Variants in EPC2 observed in about 807,000 individuals in gnomAD.
The protein encoded by EPC2 is enhancer of polycomb 2, also known as enhancer of polycomb homolog 2.
In EPC2, 14 loss-of-function variants were observed where a neutral mutation model predicts 92.1. The ratio of observed to expected loss-of-function variants is 0.15; its 90% CI spans 0.10 to 0.24. The LOEUF (loss-of-function observed/expected upper bound fraction) is 0.24. EPC2 is among the 10% of genes least tolerant of loss of function. The pLI, the probability that EPC2 is intolerant of heterozygous loss-of-function variation, is 1.00. For synonymous variants in EPC2, 340 were observed against 334.7 expected, an observed-to-expected ratio of 1.02 and a Z score of -0.17; for missense variants, 755 against 971.5, an observed-to-expected ratio of 0.78 and a Z score of 2.96.
intron 2 of EPC2, among the ~76,000 whole-genome samples, chr2:148,710,190 A>G (rs1376734037): frequency 6.6e-6 from 1 of 152,260 alleles, no homozygotes; most frequent in Admixed American, 6.5e-5. Context: ...TGGGCAAAGG[A>G]TATGAACAGA....
At chr2:148,713,283 A>G (rs967714064) in intron 2 of EPC2, among the ~76,000 whole-genome samples, 16 of 152,184 alleles carry the variant, frequency 1.1e-4, no homozygotes, top group Admixed American at 7.2e-4. Context: ...AGACAGTGAT[A>G]ATGATGATCA....
Position 148,671,851 on chromosome 2 carries a change from A to AT in EPC2, c.154-18352dup, listed in dbSNP as rs567187590. 1.2e-3 allele frequency among the ~76,000 whole-genome samples: 177 copies of AT among 147,982 alleles called. 1 individual carries two copies. The highest frequency in any genetic ancestry group is 3.1e-3 in the East Asian group (16 of 5,096). ...TGCATTATTTTCATTTAGAGGAGGA[A>AT]TTTTTTTTTTTGGTGTACAGTGTAT... On this transcript the variant is annotated intron_variant, in intron 1 of 13. Coordinates refer to ENST00000258484, the MANE Select transcript of EPC2 (RefSeq NM_015630.4).
intron 10 of EPC2, 137 bp from the exon 11 acceptor site, chr2:148,781,507 A>C: frequency 1.6e-5 from 13 of 823,782 alleles, no homozygotes; most frequent in Non-Finnish European, 2.2e-5. Context: ...TTTTCATTAG[A>C]TTATTTTCTG....
At chr2:148,774,917 C>A (rs2105434723) in intron 10 of EPC2, among the ~76,000 whole-genome samples, 1 of 151,388 alleles carries the variant, frequency 6.6e-6, no homozygotes, top group East Asian at 2.0e-4. Context: ...GAAACCCCGA[C>A]TCTACTAAAA....
At chr2:148,759,673 C>T (rs1683263721) in intron 4 of EPC2, among the ~76,000 whole-genome samples, 1 of 151,552 alleles carries the variant, frequency 6.6e-6, no homozygotes, top group South Asian at 2.1e-4. Context: ...TGAAATTTTT[C>T]AAAAATAGTA....
chr2:148,740,420 G>A lies in EPC2; in HGVS notation c.314-3202G>A, dbSNP rs546860104. On this transcript the variant is annotated intron_variant, in intron 2 of 13. Transcript: ENST00000258484. ...CCAAAATCTATAATGATTCTTATAT[G>A]GGTTTTGAGTGAAAGAGAAATGGTA... Among the ~76,000 whole-genome samples the A allele has an allele frequency of 7.6e-4, 115 of 152,076 alleles. 1 individual carries two copies. The highest frequency in any genetic ancestry group is 2.6e-3 in the African/African-American group (108 of 41,508).
chr2:148,762,548 A>C (rs1683323704), intron 5 of EPC2, 122 bp from the exon 6 acceptor site: 1 of 700,374 alleles, frequency 1.4e-6, no homozygotes, highest in Non-Finnish European at 2.2e-6. Flanking sequence ...TATCTTTTAA[A>C]AGTAATTTGA....
At chr2:148,768,836 C>T (rs1437313062) in intron 7 of EPC2, among the ~76,000 whole-genome samples, 3 of 152,220 alleles carry the variant, frequency 2.0e-5, no homozygotes, top group African/African-American at 7.2e-5. Context: ...TTTATAGCCA[C>T]ATACATTATT....
chr2:148,759,791 T>A (rs749019134), intron 4 of EPC2, among the ~76,000 whole-genome samples: 9 of 152,198 alleles, frequency 5.9e-5, no homozygotes, highest in Non-Finnish European at 1.3e-4. Flanking sequence ...AGAATCTGGA[T>A]GAAGATATAT....
intron 2 of EPC2, among the ~76,000 whole-genome samples, chr2:148,716,497 C>T (rs1384055461): frequency 6.6e-6 from 1 of 151,880 alleles, no homozygotes; most frequent in African/African-American, 2.4e-5. Context: ...ATTTTTTTGT[C>T]TTTAGTTCTG....
intron 2 of EPC2, among the ~76,000 whole-genome samples, chr2:148,695,264 G>A (rs568773676): frequency 3.3e-5 from 5 of 152,216 alleles, no homozygotes; most frequent in Non-Finnish European, 7.3e-5. Context: ...CAGGAGAAAG[G>A]ATAGGTGGAG....
chr2:148,654,421 A>G (rs567254635), intron 1 of EPC2, among the ~76,000 whole-genome samples: 4 of 152,288 alleles, frequency 2.6e-5, no homozygotes, highest in African/African-American at 4.8e-5. Context: ...TCTCATGCCA[A>G]TTAAACATTT....
chr2:148,766,823 A>G (rs1683419623), intron 7 of EPC2, among the ~76,000 whole-genome samples: 1 of 152,200 alleles, frequency 6.6e-6, no homozygotes, highest in Admixed American at 6.5e-5. Flanking sequence ...TATTTGTATA[A>G]TAGGCTTATA....
At chr2:148,781,806 A>G (rs1408409417) in intron 11 of EPC2, 26 bp downstream of exon 11, 1 of 1,611,986 alleles carries the variant, frequency 6.2e-7, no homozygotes, top group Non-Finnish European at 8.5e-7. Context: ...CGTCATAGTT[A>G]CGTTTGTTTC....
chr2:148,705,391 A>G (rs1681972355), intron 2 of EPC2, among the ~76,000 whole-genome samples: 1 of 152,204 alleles, frequency 6.6e-6, no homozygotes, highest in Admixed American at 6.5e-5. Context: ...CTGAATAGGA[A>G]CAGCTCTGGT....
At chr2:148,694,792 T>A (rs1681712772) in intron 2 of EPC2, among the ~76,000 whole-genome samples, 1 of 152,206 alleles carries the variant, frequency 6.6e-6, no homozygotes, top group Admixed American at 6.5e-5. Flanking sequence ...GGTGACGGAA[T>A]CTTGCTCTGT....
chr2:148,783,677 A>G lies in EPC2; in HGVS notation c.1938A>G (p.Ala646=). 1 of 1,599,048 alleles carries G rather than the reference A, an allele frequency of 6.3e-7. No individual in the cohort carries two copies. Among genetic ancestry groups the G allele is most frequent in the Non-Finnish European group, 8.5e-7 (1 of 1,172,240 alleles). ...TTGCTGCATCTGCAGTGGTCAGTGC[A>G]CCTGTTCCAAGTCGCAGTGAGGTAG... ...AHFAASAVVS[A]PVPSRSEVAK... is the part of the protein sequence containing the mutation. The change falls in exon 12 of 14, where the codon GCA becomes GCG. Residue 646 remains alanine, a synonymous_variant. Transcript: ENST00000258484.
chr2:148,748,092 A>C (rs1683018954), intron 3 of EPC2, among the ~76,000 whole-genome samples: 1 of 152,076 alleles, frequency 6.6e-6, no homozygotes, highest in South Asian at 2.1e-4. Flanking sequence ...TTCTCACAAG[A>C]TCTCACAACA....
Position 148,786,445 on chromosome 2 carries a change from G to A in EPC2, c.*68G>A, listed in dbSNP as rs1205210597. 1 of 1,266,740 alleles carries A rather than the reference G, an allele frequency of 7.9e-7. No homozygotes were observed. The highest frequency in any genetic ancestry group is 1.5e-5 in the African/African-American group (1 of 67,794). 78.5% of individuals were successfully genotyped at this position (1,266,740 alleles called of 1,614,324 possible). On this transcript the variant is annotated 3_prime_UTR_variant, in exon 14 of 14. Transcript: ENST00000258484. ...ATTCATATTCCAGCTGAATGCAAAAGGCAACACTCTGTGGATCACAGAGTG... is the reference window on the plus strand; with the variant it reads ...ATTCATATTCCAGCTGAATGCAAAAAGCAACACTCTGTGGATCACAGAGTG...
Sources: allele counts gnomAD v4.1 joint callset (sites outside exome capture counted in the v4.1 genomes callset), GRCh38; gene constraint gnomAD v4.1.1; transcripts MANE v1.5; gene names NCBI Gene and HGNC (gene_info 2026-07-23, HGNC 2026-07-21).